The following DIAPH2 variants were observed in gnomAD, a reference collection of about 807,000 sequenced individuals.
DIAPH2 encodes the protein protein diaphanous homolog 2.
Under a neutral mutation model 92.7 loss-of-function variants are expected in DIAPH2, and 35 were observed. The observed-to-expected ratio is 0.38, with a 90% CI of 0.29 to 0.50. DIAPH2 has a LOEUF of 0.50. Among genes scored for constraint, DIAPH2 ranks in the 20% least tolerant of loss-of-function variants. DIAPH2 has a pLI of 0.94. For synonymous variants in DIAPH2, 301 were observed against 280.4 expected (o/e 1.07, Z -0.73); for missense variants, 701 against 819.5 (o/e 0.86, Z 1.77).
chrX:96,985,784 C>T (rs2066027636), intron 17 of DIAPH2, among the ~76,000 whole-genome samples: 1 of 110,519 alleles, frequency 9.0e-6, no homozygotes. Flanking sequence ...CTTAGAAATG[C>T]TGTAACCTAA....
chrX:97,563,414 G>A (rs1307668367), intron 26 of DIAPH2, among the ~76,000 whole-genome samples: 2 of 39,338 alleles, frequency 5.1e-5, no homozygotes, highest in East Asian at 1.0e-3. Context: ...GTGAGGAAGG[G>A]TGAATTTTTT....
At chrX:97,060,615 T>A (rs1032901262) in intron 17 of DIAPH2, among the ~76,000 whole-genome samples, 6 of 111,984 alleles carry the variant, frequency 5.4e-5, no homozygotes, top group Admixed American at 9.4e-5. Context: ...ATTGCATTCA[T>A]CTTATATATG....
chrX:96,751,118 G>C (rs1331139522), intron 3 of DIAPH2, among the ~76,000 whole-genome samples: 1 of 111,266 alleles, frequency 9.0e-6, no homozygotes, highest in Non-Finnish European at 1.9e-5. Flanking sequence ...TAGGCAGCTG[G>C]TTCAACTTTT....
intron 26 of DIAPH2, among the ~76,000 whole-genome samples, chrX:97,515,137 G>C (rs2070933241): frequency 8.9e-6 from 1 of 112,328 alleles, no homozygotes; most frequent in Admixed American, 9.4e-5. Flanking sequence ...TTTGATCTCA[G>C]ACTGCTGTGC....
At chrX:96,691,880 C>G (rs745717718) in intron 1 of DIAPH2, among the ~76,000 whole-genome samples, 68 of 111,679 alleles carry the variant, frequency 6.1e-4, no homozygotes, top group African/African-American at 2.1e-3. Flanking sequence ...TGGCTGTTGA[C>G]TCAATCACCT....
At position 96,857,649 on chromosome X, in the gene DIAPH2, A is replaced by G. The variant is rs193066217; in HGVS notation, c.448-23930A>G. ...TATTATAAGTTGGAATTTTCTTCCCATTGGAATAACGAGCGTTTTCTTTAA... is the reference window on the plus strand; with the variant it reads ...TATTATAAGTTGGAATTTTCTTCCCGTTGGAATAACGAGCGTTTTCTTTAA... On this transcript the variant is annotated intron_variant, in intron 4 of 26. Transcript: ENST00000324765. Among the ~76,000 whole-genome samples the G allele has an allele frequency of 2.7e-5, 3 of 112,306 alleles. No homozygotes were observed. In the East Asian group the frequency reaches 8.4e-4, roughly 31 times the overall value.
intron 4 of DIAPH2, among the ~76,000 whole-genome samples, chrX:96,808,541 A>G (rs931144797): frequency 2.7e-5 from 3 of 111,826 alleles, no homozygotes; most frequent in Non-Finnish European, 5.6e-5. Flanking sequence ...TCAATTGTCC[A>G]TTAAGGAAGA....
At chrX:97,398,823 C>T (rs1378994453) in intron 25 of DIAPH2, among the ~76,000 whole-genome samples, 5 of 105,667 alleles carry the variant, frequency 4.7e-5, no homozygotes. Context: ...CTCACTGCAA[C>T]CTCCGCCTCC....
chrX:96,957,273 G>A (rs1230100188), intron 15 of DIAPH2, among the ~76,000 whole-genome samples: 6 of 112,153 alleles, frequency 5.3e-5, no homozygotes, highest in East Asian at 5.6e-4. Context: ...CACCTGCCTC[G>A]GTCTCCCAAA....
chrX:96,995,275 C>A (rs1056129926), intron 17 of DIAPH2, among the ~76,000 whole-genome samples: 8 of 109,858 alleles, frequency 7.3e-5, no homozygotes, highest in Non-Finnish European at 1.9e-5. Context: ...TAGATGGAAG[C>A]CAGATTGGAA....
intron 17 of DIAPH2, among the ~76,000 whole-genome samples, chrX:96,974,619 A>G (rs992086713): frequency 4.5e-5 from 5 of 111,762 alleles, no homozygotes; most frequent in Non-Finnish European, 9.4e-5. Flanking sequence ...TATGTTAGAA[A>G]CAGCTGGAGA....
chrX:97,356,881 C>G (rs1441807494), intron 24 of DIAPH2, among the ~76,000 whole-genome samples: 1 of 111,171 alleles, frequency 9.0e-6, no homozygotes, highest in Non-Finnish European at 1.9e-5. Flanking sequence ...ACAGTTTTTT[C>G]TAAAAATATT....
intron 17 of DIAPH2, among the ~76,000 whole-genome samples, chrX:97,060,736 G>A (rs888745143): frequency 8.9e-6 from 1 of 112,136 alleles, no homozygotes; most frequent in Non-Finnish European, 1.9e-5. Context: ...CTAGTCTTAT[G>A]TTTTTGTTCT....
chrX:96,887,925 T>G (rs1002568462), intron 5 of DIAPH2, among the ~76,000 whole-genome samples: 43 of 111,176 alleles, frequency 3.9e-4, no homozygotes, highest in African/African-American at 1.4e-3. Flanking sequence ...TCCCAAGTAC[T>G]GTTCTAAGAG....
At chrX:97,542,517 T>G (rs1456508248) in intron 26 of DIAPH2, among the ~76,000 whole-genome samples, 1 of 112,519 alleles carries the variant, frequency 8.9e-6, no homozygotes, top group Non-Finnish European at 1.9e-5. Flanking sequence ...ATCCTGATTT[T>G]GCTCTAAGCG....
chrX:96,735,227 A>G (rs779766823), intron 1 of DIAPH2, among the ~76,000 whole-genome samples: 5 of 112,069 alleles, frequency 4.5e-5, no homozygotes, highest in Non-Finnish European at 7.5e-5. Context: ...TAATTTATTT[A>G]TAAGGATAGT....
chrX:96,837,800 AT>A (rs1268244765), intron 4 of DIAPH2, among the ~76,000 whole-genome samples: 2 of 111,418 alleles, frequency 1.8e-5, no homozygotes, highest in African/African-American at 6.5e-5. Flanking sequence ...ATTTTACTAT[AT>A]TTAGATTGTT....
intron 22 of DIAPH2, among the ~76,000 whole-genome samples, chrX:97,163,158 C>T (rs897979333): frequency 1.8e-5 from 2 of 110,438 alleles, no homozygotes; most frequent in Non-Finnish European, 3.8e-5. Flanking sequence ...TTTTATCTTT[C>T]TATTCTTTTC....
Position 97,325,679 on chromosome X carries a change from A to G in DIAPH2, c.2845-22437A>G, listed in dbSNP as rs1310856548. Among the ~76,000 whole-genome samples, 4 of 110,221 alleles carry G rather than the reference A, an allele frequency of 3.6e-5. 1 individual carries two copies. The highest frequency in any genetic ancestry group is 1.9e-5 in the Non-Finnish European group (1 of 52,797). On this transcript the variant is annotated intron_variant, in intron 23 of 26. Coordinates refer to ENST00000324765, the MANE Select transcript of DIAPH2 (RefSeq NM_006729.5). ...TGCAAGCTCCGCGTCCCGGGTTCAC[A>G]CCATTCTCCTGCCTCAGCCTCCCGA...
Sources: allele counts gnomAD v4.1 joint callset (sites outside exome capture counted in the v4.1 genomes callset), GRCh38; gene constraint gnomAD v4.1.1; transcripts MANE v1.5; gene names NCBI Gene and HGNC (gene_info 2026-07-23, HGNC 2026-07-21).